MYO5A: variants seen among roughly 807,000 people sequenced by gnomAD.
MYO5A encodes the protein unconventional myosin-Va.
Under a neutral mutation model 249.7 loss-of-function variants are expected in MYO5A, and 98 were observed. The ratio of observed to expected loss-of-function variants is 0.39; its 90% CI spans 0.33 to 0.46. MYO5A has a LOEUF of 0.46. Among genes scored for constraint, MYO5A ranks in the 20% least tolerant of loss-of-function variants. The pLI is 0.98. For synonymous variants in MYO5A, 778 were observed against 810.6 expected, an observed-to-expected ratio of 0.96 and a Z score of 0.68; for missense variants, 1,696 against 2,308.8, an observed-to-expected ratio of 0.73 and a Z score of 5.44.
At chr15:52,346,275 G>A in intron 30 of MYO5A, 86 bp downstream of exon 30, 1 of 811,448 alleles carries the variant, frequency 1.2e-6, no homozygotes, top group South Asian at 1.4e-5. Flanking sequence ...AGGAATGTAT[G>A]AACACTTTTA....
Position 52,372,356 on chromosome 15 carries a change from C to A in MYO5A, c.2585G>T (p.Arg862Leu), listed in dbSNP as rs202202691. Residue 862 changes from arginine (R) to leucine (L), a missense_variant, in exon 21 of 42, where the codon CGT becomes CTT. Around this residue, in one of 5 missense-constraint regions of MYO5A, gnomAD observed 412 missense variants for 453.3 expected, o/e 0.91. Coordinates refer to ENST00000399233, the MANE Select transcript of MYO5A (RefSeq NM_001382347.1). ...CTGAATGATGACTGCTTTGTGCTCA[C>A]GGAGTATCTGCAGAAAAGGATAAGG... ...LARNRYRKIL[R>L]EHKAVIIQKR... 6.2e-7 allele frequency: 1 copy of A among 1,601,634 alleles called. No homozygotes were observed. The highest frequency in any genetic ancestry group is 8.5e-7 in the Non-Finnish European group (1 of 1,179,904).
At position 52,441,110 on chromosome 15, in the gene MYO5A, A is replaced by G. The variant is rs536785674; in HGVS notation, c.28-7825T>C. ...ATTAATGCGGATGTTACACATGATT[A>G]CTAAGTAATTCATATAGTCTTTAGA... On this transcript the variant is annotated intron_variant, in intron 1 of 41. Transcript: ENST00000399233. Among the ~76,000 whole-genome samples the G allele has an allele frequency of 1.6e-4, 24 of 152,330 alleles. No homozygotes were observed. The South Asian group carries it at 5.0e-3, about 32-fold the overall frequency.
chr15:52,493,526 G>A (rs2076976632), intron 1 of MYO5A, among the ~76,000 whole-genome samples: 2 of 152,096 alleles, frequency 1.3e-5, no homozygotes, highest in South Asian at 4.1e-4. Flanking sequence ...GCTGGGCACG[G>A]TGGCGGGCCC....
intron 1 of MYO5A, among the ~76,000 whole-genome samples, chr15:52,510,567 G>A (rs1348244325): frequency 6.6e-6 from 1 of 152,192 alleles, no homozygotes; most frequent in Non-Finnish European, 1.5e-5. Context: ...CCTGAGCTCC[G>A]TCTCCTGTCA....
intron 1 of MYO5A, among the ~76,000 whole-genome samples, chr15:52,509,677 G>T (rs2077350632): frequency 6.6e-6 from 1 of 152,176 alleles, no homozygotes; most frequent in Admixed American, 6.5e-5. Context: ...GCCATTTTTA[G>T]ATTCTGACAA....
intron 1 of MYO5A, among the ~76,000 whole-genome samples, chr15:52,478,517 A>G (rs1567164689): frequency 6.6e-6 from 1 of 152,328 alleles, no homozygotes; most frequent in East Asian, 1.9e-4. Flanking sequence ...GCTGGGAGCT[A>G]TAGGCTGGAG....
Position 52,383,210 on chromosome 15 carries a change from A to G in MYO5A, c.1915-22T>C, listed in dbSNP as rs773593752. 3.8e-6 allele frequency: 6 copies of G among 1,561,950 alleles called. No individual in the cohort carries two copies. In the East Asian group the frequency reaches 1.3e-4, roughly 35 times the overall value. ...TGAACTGCATGAAAAAGGGCAGAAG[A>G]GGGTATCAAGGCTTTGTCCAAAGTC... On this transcript the variant is annotated intron_variant, in intron 15 of 41. Coordinates refer to ENST00000399233, the MANE Select transcript of MYO5A (RefSeq NM_001382347.1).
intron 1 of MYO5A, among the ~76,000 whole-genome samples, chr15:52,485,259 T>TAA (rs72085613): frequency 5.5e-4 from 57 of 102,714 alleles, no homozygotes; most frequent in East Asian, 2.1e-3. Context: ...ATTCACTATG[T>TAA]AAAAAAAAAA....
At chr15:52,356,377 A>C (rs1187032751) in intron 25 of MYO5A, among the ~76,000 whole-genome samples, 1 of 152,098 alleles carries the variant, frequency 6.6e-6, no homozygotes, top group East Asian at 1.9e-4. Context: ...GAAAAACTAC[A>C]ATTTTTTCTT....
Position 52,428,416 on chromosome 15 carries a change from G to A in MYO5A, c.292C>T (p.Leu98Phe). 6.2e-7 allele frequency: 1 copy of A among 1,614,102 alleles called. No individual in the cohort carries two copies. The highest frequency in any genetic ancestry group is 8.5e-7 in the Non-Finnish European group (1 of 1,179,958). Residue 98 changes from leucine (L) to phenylalanine (F), a missense_variant, in exon 3 of 42, where the codon CTT becomes TTT. Around this residue, in one of 5 missense-constraint regions of MYO5A, gnomAD observed 197 missense variants for 320.3 expected, o/e 0.62. Transcript: ENST00000399233. ...NLRVRFIDSK[L>F]IYTYCGIVLV... Reference sequence around the variant, plus strand: ...TACTTACCACAATACGTATAAATAAGTTTGGAATCAATAAAGCGGACTCTG... The same window carrying A: ...TACTTACCACAATACGTATAAATAAATTTGGAATCAATAAAGCGGACTCTG...
chr15:52,395,115 C>A (rs189505612), intron 11 of MYO5A, among the ~76,000 whole-genome samples: 1 of 152,252 alleles, frequency 6.6e-6, no homozygotes, highest in East Asian at 1.9e-4. Context: ...CAATCTCGCT[C>A]CCTGGAGGCA....
intron 40 of MYO5A, among the ~76,000 whole-genome samples, chr15:52,314,799 TG>T (rs918839187): frequency 2.0e-5 from 3 of 152,318 alleles, no homozygotes; most frequent in Admixed American, 2.0e-4. Context: ...TTTTGTAAAA[TG>T]GTCATGTCTC....
intron 8 of MYO5A, 27 bp downstream of exon 8, chr15:52,407,265 A>G (rs759706580): frequency 2.7e-6 from 4 of 1,509,314 alleles, no homozygotes; most frequent in Non-Finnish European, 3.7e-6. Context: ...TATTCCTCTT[A>G]AGAGCTCAAG....
chr15:52,409,249 C>T (rs2043142541), intron 6 of MYO5A, among the ~76,000 whole-genome samples: 1 of 152,044 alleles, frequency 6.6e-6, no homozygotes. Context: ...ACTCACTTAC[C>T]TATCAATCAA....
chr15:52,487,241 C>T (rs1350915477), intron 1 of MYO5A, among the ~76,000 whole-genome samples: 2 of 151,934 alleles, frequency 1.3e-5, no homozygotes, highest in African/African-American at 4.8e-5. Context: ...CATAGGGAAA[C>T]CTTGTTTCTA....
At chr15:52,459,146 AATTTTTTTTTTTT>A (rs942273461) in intron 1 of MYO5A, among the ~76,000 whole-genome samples, 13 of 49,098 alleles carry the variant, frequency 2.6e-4, no homozygotes, top group African/African-American at 6.9e-4. Flanking sequence ...ATTTTCCAGA[AATTTTTTTTTTTT>A]TTTTTTTTTT....
chr15:52,317,063 A>C lies in MYO5A; in HGVS notation c.5394T>G (p.Ala1798=). The change falls in exon 40 of 42, where the codon GCT becomes GCG. Residue 1798 remains alanine (A), a synonymous_variant. Coordinates refer to ENST00000399233, the MANE Select transcript of MYO5A (RefSeq NM_001382347.1). ...DAEAICSMCN[A]LTTAQIVKVL... is the part of the protein sequence containing the mutation. ...GTTGCTCTACCTGGGCAGTAGTTAA[A>C]GCATTGCACATAGAACAAATGGCTT... 1.9e-6 allele frequency: 3 copies of C among 1,614,132 alleles called. No individual in the cohort carries two copies. In the South Asian group the frequency reaches 3.3e-5, roughly 18 times the overall value.
chr15:52,502,861 C>T (rs1276332567), intron 1 of MYO5A, among the ~76,000 whole-genome samples: 1 of 152,192 alleles, frequency 6.6e-6, no homozygotes, highest in Non-Finnish European at 1.5e-5. Flanking sequence ...AAGTTGAAAT[C>T]CTGTCATTTG....
At chr15:52,492,589 T>C (rs1567176261) in intron 1 of MYO5A, among the ~76,000 whole-genome samples, 1 of 152,226 alleles carries the variant, frequency 6.6e-6, no homozygotes, top group African/African-American at 2.4e-5. Context: ...TACTACTAGT[T>C]AGGGTGGTTG....
Sources: gnomAD v4.1 joint callset for allele counts (sites outside exome capture counted in the v4.1 genomes callset) on GRCh38, gnomAD v4.1.1 for gene constraint, gnomAD v4.1.1 regional missense constraint, MANE v1.5 for transcripts, NCBI Gene and HGNC (gene_info 2026-07-23, HGNC 2026-07-21) for gene names.